Variants in AUH observed in about 807,000 individuals in gnomAD.
The protein encoded by AUH is AU RNA binding methylglutaconyl-CoA hydratase, also known as methylglutaconyl-CoA hydratase, mitochondrial.
Under a neutral mutation model 42.3 loss-of-function variants are expected in AUH, and 29 were observed. The ratio of observed to expected loss-of-function variants is 0.69; its 90% CI spans 0.51 to 0.93. The LOEUF (loss-of-function observed/expected upper bound fraction) is 0.93. Among genes scored for constraint, AUH ranks in the 40% least tolerant of loss-of-function variants. AUH has a pLI of 0.00. For missense variants in AUH, 452 were observed against 438.1 expected (o/e 1.03, Z -0.28); for synonymous variants, 174 against 166.4 (o/e 1.05, Z -0.35).
In AUH at chr9:91,254,415, AGTGT is replaced by A. The variant is rs1474338822; in HGVS notation, c.656-33427_656-33424del. Reference sequence around the variant, plus strand: ...GGGCAAAACTGAGCAATGAAAATAAAGTGTTCAATGCCAGGATGAGCTTATGCTT... The same window carrying A: ...GGGCAAAACTGAGCAATGAAAATAAATCAATGCCAGGATGAGCTTATGCTT... On this transcript the variant is annotated intron_variant, in intron 6 of 9. Coordinates refer to ENST00000375731, the MANE Select transcript of AUH (RefSeq NM_001698.3). Among the ~76,000 whole-genome samples the A allele has an allele frequency of 2.6e-5, 4 of 152,218 alleles. No homozygotes were observed. The East Asian group carries it at 7.7e-4, about 29-fold the overall frequency.
intron 3 of AUH, among the ~76,000 whole-genome samples, chr9:91,333,280 A>AT (rs571977399): frequency 8.1e-4 from 122 of 150,108 alleles, no homozygotes; most frequent in African/African-American, 1.7e-3. Flanking sequence ...TCTGCTTTCA[A>AT]TTTTTTTTTT....
chr9:91,247,732 C>T (rs1481270183), intron 6 of AUH, among the ~76,000 whole-genome samples: 1 of 152,284 alleles, frequency 6.6e-6, no homozygotes, highest in East Asian at 1.9e-4. Flanking sequence ...ATTGTCTCAT[C>T]GTGGTTTTAA....
intron 6 of AUH, among the ~76,000 whole-genome samples, chr9:91,275,862 A>T (rs565594028): frequency 1.8e-4 from 27 of 152,362 alleles, no homozygotes; most frequent in African/African-American, 6.3e-4. Context: ...ATTTCTAGAC[A>T]GCACATCTGA....
chr9:91,226,769 T>C (rs1333954890), intron 6 of AUH, among the ~76,000 whole-genome samples: 27 of 121,184 alleles, frequency 2.2e-4, no homozygotes, highest in African/African-American at 8.5e-4. Flanking sequence ...TTTCTACATA[T>C]GGCTAGCCAG....
At chr9:91,355,830 T>A (rs1365787303) in intron 3 of AUH, 53 bp downstream of exon 3, 1 of 1,490,460 alleles carries the variant, frequency 6.7e-7, no homozygotes, top group Non-Finnish European at 9.4e-7. Flanking sequence ...CAGATTACTA[T>A]TGAGGAAAAA....
At chr9:91,231,403 C>T (rs981503089) in intron 6 of AUH, among the ~76,000 whole-genome samples, 4 of 152,218 alleles carry the variant, frequency 2.6e-5, no homozygotes, top group Admixed American at 6.5e-5. Flanking sequence ...ATGCCTCGCC[C>T]TGCTTCGGCT....
intron 6 of AUH, among the ~76,000 whole-genome samples, chr9:91,291,064 C>A (rs1348173751): frequency 6.6e-6 from 1 of 152,164 alleles, no homozygotes; most frequent in Non-Finnish European, 1.5e-5. Context: ...TTCCATGCCT[C>A]TCACCCATGG....
At chr9:91,275,394 T>G (rs1398872415) in intron 6 of AUH, among the ~76,000 whole-genome samples, 4 of 152,230 alleles carry the variant, frequency 2.6e-5, no homozygotes, top group African/African-American at 9.6e-5. Context: ...TTTTAAATAT[T>G]AGGCATTCTT....
At chr9:91,328,973 T>C (rs918053593) in intron 3 of AUH, among the ~76,000 whole-genome samples, 37 of 152,314 alleles carry the variant, frequency 2.4e-4, no homozygotes, top group African/African-American at 5.3e-4. Flanking sequence ...TCTATGTTCC[T>C]AAGAATTGGT....
intron 6 of AUH, among the ~76,000 whole-genome samples, chr9:91,239,502 C>A (rs560237751): frequency 5.3e-5 from 8 of 152,170 alleles, no homozygotes; most frequent in Non-Finnish European, 1.2e-4. Context: ...TAGGCAAGAG[C>A]TTTCTTCATG....
chr9:91,297,655 C>A (rs538747032), intron 5 of AUH, among the ~76,000 whole-genome samples: 31 of 151,426 alleles, frequency 2.0e-4, no homozygotes, highest in African/African-American at 6.5e-4. Context: ...TGTAATGGCA[C>A]GATCATGGCT....
intron 3 of AUH, among the ~76,000 whole-genome samples, chr9:91,327,451 G>C (rs1830033605): frequency 6.6e-6 from 1 of 152,142 alleles, no homozygotes; most frequent in Admixed American, 6.5e-5. Flanking sequence ...ACCCAGGGAT[G>C]AATCAGCACA....
chr9:91,337,897 AGT>A (rs1313090931), intron 3 of AUH, among the ~76,000 whole-genome samples: 1 of 152,242 alleles, frequency 6.6e-6, no homozygotes, highest in Non-Finnish European at 1.5e-5. Flanking sequence ...GAGAGGATCA[AGT>A]GAGATTAAGG....
At chr9:91,266,931 C>T (rs1220256188) in intron 6 of AUH, among the ~76,000 whole-genome samples, 1 of 152,162 alleles carries the variant, frequency 6.6e-6, no homozygotes, top group Non-Finnish European at 1.5e-5. Context: ...GCCCATGTGA[C>T]AGACTGCTAG....
intron 6 of AUH, among the ~76,000 whole-genome samples, chr9:91,289,269 T>C (rs1202561799): frequency 1.3e-5 from 2 of 152,222 alleles, no homozygotes; most frequent in Admixed American, 1.3e-4. Flanking sequence ...CCCAAAGATA[T>C]TTACTTTCTA....
At chr9:91,255,001 C>T (rs1009766057) in intron 6 of AUH, among the ~76,000 whole-genome samples, 4 of 152,038 alleles carry the variant, frequency 2.6e-5, no homozygotes, top group Non-Finnish European at 5.9e-5. Context: ...GAATTTATAG[C>T]CTGGAATTGA....
At chr9:91,321,316 G>A (rs906169269) in intron 4 of AUH, among the ~76,000 whole-genome samples, 4 of 152,096 alleles carry the variant, frequency 2.6e-5, no homozygotes, top group African/African-American at 9.7e-5. Flanking sequence ...TATTCAAGAT[G>A]TTCTAAGTTT....
At chr9:91,348,537 C>T (rs991864626) in intron 3 of AUH, among the ~76,000 whole-genome samples, 1 of 152,046 alleles carries the variant, frequency 6.6e-6, no homozygotes, top group Admixed American at 6.6e-5. Context: ...AACAGTCATA[C>T]AATAAATACT....
At chr9:91,361,581 C>A (rs1341596787) in intron 1 of AUH, 47 bp downstream of exon 1, 1 of 1,551,688 alleles carries the variant, frequency 6.4e-7, no homozygotes. Context: ...GTCCTGAGAG[C>A]GAGCGGCCGC....
Sources: allele counts gnomAD v4.1 joint callset (sites outside exome capture counted in the v4.1 genomes callset), GRCh38; gene constraint gnomAD v4.1.1; transcripts MANE v1.5; gene names NCBI Gene and HGNC (gene_info 2026-07-23, HGNC 2026-07-21).